CNTNAP5: variants seen among roughly 807,000 people sequenced by gnomAD.
CNTNAP5 encodes the protein contactin-associated protein-like 5.
CNTNAP5 carries 72 observed loss-of-function variants against 150.2 expected under a neutral mutation model. The observed-to-expected ratio is 0.48, with a 90% CI of 0.40 to 0.58. The LOEUF (loss-of-function observed/expected upper bound fraction) is 0.58, where lower values mean the gene tolerates loss of function less well. CNTNAP5 is among the 20% of genes least tolerant of loss of function. CNTNAP5 has a pLI of 0.00. For synonymous variants in CNTNAP5, 672 were observed against 619.8 expected, an observed-to-expected ratio of 1.08 and a Z score of -1.25; for missense variants, 1,636 against 1,626.2, an observed-to-expected ratio of 1.01 and a Z score of -0.10.
chr2:124,260,049 C>T lies in CNTNAP5; in HGVS notation c.381+17656C>T, dbSNP rs556688012. On this transcript the variant is annotated intron_variant, in intron 3 of 23. Transcript: ENST00000682447. ...ATTCATATGGAACCAAAAAAGAGCC[C>T]GCATTGCCAAGTCAATCCTAAGCCA... 1.8e-3 allele frequency among the ~76,000 whole-genome samples: 276 copies of T among 152,198 alleles called. 2 individuals are homozygous for T. Among genetic ancestry groups the T allele is most frequent in the Middle Eastern group, 0.014 (4 of 294 alleles).
chr2:124,854,585 T>G (rs1677309972), intron 19 of CNTNAP5, among the ~76,000 whole-genome samples: 1 of 152,212 alleles, frequency 6.6e-6, no homozygotes. Context: ...CTCTAGTGTC[T>G]TACACCAGCA....
chr2:124,512,684 T>G (rs1052688330), intron 8 of CNTNAP5, among the ~76,000 whole-genome samples: 3 of 152,168 alleles, frequency 2.0e-5, no homozygotes, highest in African/African-American at 7.2e-5. Flanking sequence ...CGATAATTCC[T>G]TGAACAGTAT....
intron 3 of CNTNAP5, among the ~76,000 whole-genome samples, chr2:124,244,581 G>T (rs1686972094): frequency 6.6e-6 from 1 of 152,114 alleles, no homozygotes; most frequent in South Asian, 2.1e-4. Flanking sequence ...AGGGCAATTG[G>T]GAGAGAGGCA....
At chr2:124,777,065 G>C (rs1681339927) in intron 17 of CNTNAP5, among the ~76,000 whole-genome samples, 1 of 151,852 alleles carries the variant, frequency 6.6e-6, no homozygotes, top group South Asian at 2.1e-4. Context: ...CTAGCGGGCA[G>C]GTCCTGGGAC....
intron 2 of CNTNAP5, among the ~76,000 whole-genome samples, chr2:124,230,102 ATAAAAAGATT>A (rs1425748799): frequency 1.3e-5 from 2 of 152,056 alleles, no homozygotes; most frequent in African/African-American, 4.8e-5. Flanking sequence ...TCATGGATGG[ATAAAAAGATT>A]TAAAATCCTT....
chr2:124,601,678 A>T (rs1696987772), intron 11 of CNTNAP5, among the ~76,000 whole-genome samples: 1 of 115,550 alleles, frequency 8.7e-6, no homozygotes, highest in Non-Finnish European at 1.9e-5. Flanking sequence ...TATTAGAGAA[A>T]ATAATATTCA....
chr2:124,807,846 G>A (rs1285348821), intron 19 of CNTNAP5, among the ~76,000 whole-genome samples: 1 of 151,964 alleles, frequency 6.6e-6, no homozygotes, highest in Non-Finnish European at 1.5e-5. Flanking sequence ...TTCAAGAGAG[G>A]GGCCAGGCAG....
chr2:124,025,639 C>T lies in CNTNAP5; in HGVS notation c.-12C>T, dbSNP rs773845047. 6 of 1,613,460 alleles carry T rather than the reference C, an allele frequency of 3.7e-6. No homozygotes were observed. In the South Asian group the frequency reaches 5.5e-5, roughly 15 times the overall value. On this transcript the variant is annotated 5_prime_UTR_variant, in exon 1 of 24. Coordinates refer to ENST00000682447, the MANE Select transcript of CNTNAP5 (RefSeq NM_001367498.1). ...TGGGATTCGATTGGGAGGGACCGCT[C>T]ACTCGGGGGAAATGGATTCTTTACC...
At chr2:124,491,949 G>GT (rs1694039579) in intron 7 of CNTNAP5, among the ~76,000 whole-genome samples, 1 of 151,732 alleles carries the variant, frequency 6.6e-6, no homozygotes, top group Non-Finnish European at 1.5e-5. Flanking sequence ...TATTATTTGG[G>GT]TTTTTTGTTT....
chr2:124,264,339 G>A (rs1435429620), intron 3 of CNTNAP5, among the ~76,000 whole-genome samples: 2 of 149,426 alleles, frequency 1.3e-5, no homozygotes, highest in African/African-American at 5.0e-5. Flanking sequence ...AAACAATGCA[G>A]TACCCAAATC....
chr2:124,630,943 G>A (rs972935663), intron 12 of CNTNAP5, among the ~76,000 whole-genome samples: 1 of 152,058 alleles, frequency 6.6e-6, no homozygotes, highest in African/African-American at 2.4e-5. Context: ...GACAAGCAGA[G>A]AGTCAAATCA....
chr2:124,729,880 C>G (rs948878650), intron 13 of CNTNAP5, among the ~76,000 whole-genome samples: 2 of 152,022 alleles, frequency 1.3e-5, no homozygotes, highest in Non-Finnish European at 2.9e-5. Flanking sequence ...TAATTTGATT[C>G]TAGACTTCTA....
intron 10 of CNTNAP5, among the ~76,000 whole-genome samples, chr2:124,531,808 C>G (rs143203163): frequency 6.6e-6 from 1 of 152,080 alleles, no homozygotes; most frequent in Non-Finnish European, 1.5e-5. Context: ...TTCCAATTGT[C>G]GACCTAAAAG....
chr2:124,242,075 T>C (rs962858423), intron 2 of CNTNAP5, 125 bp from the exon 3 acceptor site: 10 of 689,498 alleles, frequency 1.5e-5, no homozygotes, highest in South Asian at 1.9e-5. Context: ...CAGGGAAGAG[T>C]AGGGCCCATT....
chr2:124,257,875 G>C (rs928694326), intron 3 of CNTNAP5, among the ~76,000 whole-genome samples: 7 of 152,116 alleles, frequency 4.6e-5, no homozygotes, highest in African/African-American at 1.7e-4. Flanking sequence ...GTAACTTGCT[G>C]ACTATTTGCC....
chr2:124,416,769 A>T (rs1044251870), intron 3 of CNTNAP5, among the ~76,000 whole-genome samples: 7 of 151,968 alleles, frequency 4.6e-5, no homozygotes, highest in Non-Finnish European at 1.0e-4. Flanking sequence ...CTTCAATAAA[A>T]TCCTTTCCTT....
intron 19 of CNTNAP5, among the ~76,000 whole-genome samples, chr2:124,846,832 G>GT (rs1348701118): frequency 1.3e-5 from 2 of 152,164 alleles, no homozygotes; most frequent in Non-Finnish European, 2.9e-5. Context: ...TGTAGTGGTT[G>GT]TTTTTGCTCT....
chr2:124,473,640 G>A (rs1158902385), intron 6 of CNTNAP5, among the ~76,000 whole-genome samples: 3 of 151,914 alleles, frequency 2.0e-5, no homozygotes, highest in African/African-American at 7.2e-5. Flanking sequence ...AAAAGAGACA[G>A]TGAACTAGAG....
intron 11 of CNTNAP5, among the ~76,000 whole-genome samples, chr2:124,569,020 C>T (rs1340256462): frequency 1.3e-5 from 2 of 152,128 alleles, no homozygotes; most frequent in African/African-American, 2.4e-5. Flanking sequence ...TGCACTCCAG[C>T]CTGGGCGACA....
Sources: allele counts gnomAD v4.1 joint callset (sites outside exome capture counted in the v4.1 genomes callset), GRCh38; gene constraint gnomAD v4.1.1; transcripts MANE v1.5; gene names NCBI Gene and HGNC (gene_info 2026-07-23, HGNC 2026-07-21).